Variants in UGT1A4 observed in about 807,000 individuals in gnomAD.
The protein encoded by UGT1A4 is UDP-glucuronosyltransferase 1A4.
A neutral mutation model predicts 41.1 loss-of-function variants in UGT1A4; 32 were observed. The observed-to-expected ratio is 0.78, with a 90% CI of 0.59 to 1.05. The LOEUF (loss-of-function observed/expected upper bound fraction) is 1.05, where lower values mean the gene tolerates loss of function less well. Among genes scored for constraint, UGT1A4 ranks in the 50% least tolerant of loss-of-function variants. The pLI, the probability that UGT1A4 is intolerant of heterozygous loss-of-function variation, is 0.00. For synonymous variants in UGT1A4, 283 were observed against 265.1 expected (o/e 1.07, Z -0.66); for missense variants, 748 against 677.4 (o/e 1.10, Z -1.16).
chr2:233,766,357 C>T (rs1461708777), intron 1 of UGT1A4, among the ~76,000 whole-genome samples: 1 of 152,122 alleles, frequency 6.6e-6, no homozygotes, highest in Non-Finnish European at 1.5e-5. Flanking sequence ...CCTGCCGGTG[C>T]CTGTTGGTGA....
chr2:233,733,388 G>A (rs1393287938), intron 1 of UGT1A4, among the ~76,000 whole-genome samples: 2 of 152,180 alleles, frequency 1.3e-5, no homozygotes. Flanking sequence ...TTTTGTGCCA[G>A]TTTTCAAAGG....
intron 1 of UGT1A4, chr2:233,755,099 C>G: frequency 2.2e-6 from 3 of 1,335,076 alleles, no homozygotes; most frequent in Non-Finnish European, 3.0e-6. Context: ...TCTACGCGTC[C>G]GACAACACCT....
chr2:233,761,475 T>C (rs930055799), intron 1 of UGT1A4, among the ~76,000 whole-genome samples: 6 of 152,232 alleles, frequency 3.9e-5, no homozygotes, highest in African/African-American at 1.2e-4. Flanking sequence ...GAAAACTCAG[T>C]TGAAGCCTGC....
chr2:233,742,472 C>T (rs1248700519), intron 1 of UGT1A4, among the ~76,000 whole-genome samples: 4 of 151,922 alleles, frequency 2.6e-5, no homozygotes. Flanking sequence ...TTCCAGTAAA[C>T]TCACAACCTT....
At chr2:233,743,262 C>T (rs764022501) in intron 1 of UGT1A4, 18 of 451,920 alleles carry the variant, frequency 4.0e-5, no homozygotes, top group Non-Finnish European at 7.5e-5. Context: ...CTCCATCTTC[C>T]TCCACTTCCA....
intron 1 of UGT1A4, chr2:233,760,398 C>T (rs1018382617): frequency 6.2e-7 from 1 of 1,614,186 alleles, no homozygotes; most frequent in Non-Finnish European, 8.5e-7. Flanking sequence ...CAGTGGATGG[C>T]AGCCACTGGC....
At chr2:233,732,243 C>T (rs551987407) in intron 1 of UGT1A4, among the ~76,000 whole-genome samples, 33 of 152,314 alleles carry the variant, frequency 2.2e-4, no homozygotes, top group Non-Finnish European at 4.4e-4. Context: ...TGTAGGTTGC[C>T]TGTTCACTCT....
intron 1 of UGT1A4, among the ~76,000 whole-genome samples, chr2:233,737,817 A>C (rs1486472314): frequency 6.6e-6 from 1 of 152,110 alleles, no homozygotes; most frequent in Admixed American, 6.5e-5. Flanking sequence ...TCAGTGGAGC[A>C]GAACAAATTG....
In UGT1A4 at chr2:233,768,390, A is replaced by G. The variant is rs774573761; in HGVS notation, c.1258A>G (p.Thr420Ala). ...AGVTLNVLEM[T>A]SEDLENALKA... Reference sequence around the variant, plus strand: ...AGTGACCCTGAATGTTCTGGAAATGACTTCTGAAGATTTAGAAAATGCTCT... The same window carrying G: ...AGTGACCCTGAATGTTCTGGAAATGGCTTCTGAAGATTTAGAAAATGCTCT... The change falls in exon 4 of 5, where the codon ACT becomes GCT. Residue 420 changes from threonine (T) to alanine (A), a missense_variant. Thr to Ala is a moderately conservative substitution (Grantham distance 58, BLOSUM62 0). Coordinates refer to ENST00000373409, the MANE Select transcript of UGT1A4 (RefSeq NM_007120.3). The G allele has an allele frequency of 6.2e-7, 1 of 1,614,202 alleles. No homozygotes were observed. Among genetic ancestry groups the G allele is most frequent in the South Asian group, 1.1e-5 (1 of 91,080 alleles).
At chr2:233,746,544 A>G (rs1423478366) in intron 1 of UGT1A4, among the ~76,000 whole-genome samples, 1 of 151,624 alleles carries the variant, frequency 6.6e-6, no homozygotes, top group East Asian at 1.9e-4. Flanking sequence ...CTGCTGTGTG[A>G]CTTCTTAGCC....
chr2:233,748,109 G>A (rs1215169809), intron 1 of UGT1A4: 2 of 1,612,198 alleles, frequency 1.2e-6, no homozygotes, highest in African/African-American at 1.3e-5. Context: ...TCCAATCAAT[G>A]TTCCAGGCAA....
In UGT1A4 at chr2:233,772,635, A is replaced by G. The variant is rs1700539983; in HGVS notation, c.*76A>G. On this transcript the variant is annotated 3_prime_UTR_variant, in exon 5 of 5. Transcript: ENST00000373409. ...CAAACTTGAAAACAGAATCAGTGTT[A>G]AATTCATTTTATTCTTATTAAGGAA... 19 of 1,555,814 alleles carry G rather than the reference A, an allele frequency of 1.2e-5. No individual in the cohort carries two copies. Among genetic ancestry groups the G allele is most frequent in the Non-Finnish European group, 1.6e-5 (18 of 1,149,838 alleles).
At chr2:233,743,908 G>A (rs1211765828) in intron 1 of UGT1A4, 37 of 1,366,084 alleles carry the variant, frequency 2.7e-5, no homozygotes, top group Non-Finnish European at 3.4e-5. Flanking sequence ...CCTCGTAGTA[G>A]TCCACCATGC....
At chr2:233,724,741 C>T (rs1331801697) in intron 1 of UGT1A4, among the ~76,000 whole-genome samples, 1 of 144,478 alleles carries the variant, frequency 6.9e-6, no homozygotes, top group Non-Finnish European at 1.5e-5. Context: ...AGGGGCTCCT[C>T]ACATCCCAGA....
chr2:233,719,282 T>C lies in UGT1A4; in HGVS notation c.462T>C (p.Val154=). The C allele has an allele frequency of 6.2e-7, 1 of 1,614,148 alleles. No individual in the cohort carries two copies. The highest frequency in any genetic ancestry group is 8.5e-7 in the Non-Finnish European group (1 of 1,179,990). ...TSFDVVLTDP[V]NLCGAVLAKY... Reference sequence around the variant, plus strand: ...TTGATGTGGTTTTAACAGACCCCGTTAACCTCTGTGGGGCGGTGCTGGCTA... The same window carrying C: ...TTGATGTGGTTTTAACAGACCCCGTCAACCTCTGTGGGGCGGTGCTGGCTA... Residue 154 remains valine (V), a synonymous_variant, in exon 1 of 5, where the codon GTT becomes GTC. Transcript: ENST00000373409.
chr2:233,721,701 C>A (rs2125683705), intron 1 of UGT1A4: 13 of 362,480 alleles, frequency 3.6e-5, no homozygotes, highest in South Asian at 2.9e-4. Context: ...ACGCATGGCT[C>A]ATCTTGGATG....
chr2:233,722,845 C>CT (rs61550889), intron 1 of UGT1A4, among the ~76,000 whole-genome samples: 61,845 of 135,260 alleles, frequency 0.46, 16,439 homozygotes, highest in African/African-American at 0.64. Context: ...AAGAATGTTT[C>CT]TTTTTTTTTT....
At chr2:233,721,865 G>T in intron 1 of UGT1A4, 1 of 504,992 alleles carries the variant, frequency 2.0e-6, no homozygotes, top group South Asian at 1.4e-5. Context: ...TCGGCCCTGG[G>T]CACACTTGCC....
At chr2:233,729,676 G>A in intron 1 of UGT1A4, 1 of 1,613,778 alleles carries the variant, frequency 6.2e-7, no homozygotes, top group African/African-American at 1.3e-5. Context: ...AGACTTTAAG[G>A]GCACACAGTG....
Sources: gnomAD v4.1 joint callset for allele counts (sites outside exome capture counted in the v4.1 genomes callset) on GRCh38, gnomAD v4.1.1 for gene constraint, MANE v1.5 for transcripts, NCBI Gene and HGNC (gene_info 2026-07-23, HGNC 2026-07-21) for gene names.